The following NCAPG variants were observed in gnomAD, a reference collection of about 807,000 sequenced individuals.
The protein encoded by NCAPG is non-SMC condensin I complex subunit G.
A neutral mutation model predicts 113.1 loss-of-function variants in NCAPG; 69 were observed. That is an observed-to-expected ratio of 0.61 (90% CI 0.50 to 0.75). The LOEUF is 0.75. NCAPG is among the 30% of genes least tolerant of loss of function. The pLI is 0.00. For synonymous variants in NCAPG, 370 were observed against 415.8 expected (o/e 0.89, Z 1.34); for missense variants, 1,058 against 1,177.0 (o/e 0.90, Z 1.48).
At position 17,843,366 on chromosome 4, in the gene NCAPG, G is replaced by T. The variant is rs778475199; in HGVS notation, c.2989G>T (p.Ala997Ser). The change falls in exon 21 of 21, where the codon GCA becomes TCA. Residue 997 changes from alanine (A) to serine (S), a missense_variant. Ala to Ser is a moderately conservative substitution (Grantham distance 99). Transcript: ENST00000251496. ...GAGACTACCAAGACGAGCCAAAACC[G>T]CAGCACTAGAAAAAAGTAAACTTAA... ...KMRLPRRAKT[A>S]ALEKSKLNLA... 1.9e-6 allele frequency: 3 copies of T among 1,611,824 alleles called. No individual in the cohort carries two copies. The African/African-American group carries it at 4.0e-5, about 22-fold the overall frequency.
At chr4:17,839,881 T>C (rs763455238) in intron 17 of NCAPG, 44 bp downstream of exon 17, 3 of 1,535,436 alleles carry the variant, frequency 2.0e-6, no homozygotes, top group Non-Finnish European at 2.6e-6. Context: ...GTGTTTATAT[T>C]TATACATGTA....
intron 8 of NCAPG, 107 bp from the exon 9 acceptor site, chr4:17,823,540 A>G: frequency 1.0e-6 from 1 of 956,072 alleles, no homozygotes; most frequent in Non-Finnish European, 1.6e-6. Context: ...GATAAACCTA[A>G]GTGAAAGAAC....
In NCAPG at chr4:17,843,641, T is replaced by C. The variant is rs996156780; in HGVS notation, c.*216T>C. ...TGCATCAGTCAGTCACACAGATTTA[T>C]CACAATCTGAGGTGGGCCTAGGAAT... On this transcript the variant is annotated 3_prime_UTR_variant, in exon 21 of 21. Transcript: ENST00000251496. 13 of 386,440 alleles carry C rather than the reference T, an allele frequency of 3.4e-5. 1 individual carries two copies. Among genetic ancestry groups the C allele is most frequent in the South Asian group, 1.4e-4 (3 of 21,630 alleles). The allele number at this position is 386,440 out of a possible 1,614,324, so 23.9% of individuals were successfully genotyped here. A position where few individuals can be genotyped will look rare whatever the true frequency, so the allele number is the denominator to read the frequency against.
chr4:17,812,457 T>G, intron 2 of NCAPG, 33 bp downstream of exon 2: 1 of 1,570,974 alleles, frequency 6.4e-7, no homozygotes, highest in Non-Finnish European at 8.7e-7. Flanking sequence ...GGGGAGGGAT[T>G]TTAGAAAATT....
At chr4:17,818,740 G>A (rs539275316) in intron 7 of NCAPG, among the ~76,000 whole-genome samples, 1 of 152,212 alleles carries the variant, frequency 6.6e-6, no homozygotes, top group African/African-American at 2.4e-5. Context: ...CTAGCTTCAT[G>A]TTTTAAAGTT....
At chr4:17,819,252 A>G (rs1302577113) in intron 7 of NCAPG, among the ~76,000 whole-genome samples, 1 of 152,166 alleles carries the variant, frequency 6.6e-6, no homozygotes, top group Non-Finnish European at 1.5e-5. Context: ...TTTCACTGAT[A>G]AAAGCAAAAG....
chr4:17,813,309 A>G lies in NCAPG; in HGVS notation c.544+164A>G, dbSNP rs902425930. The G allele has an allele frequency of 1.9e-5, 10 of 516,888 alleles. No homozygotes were observed. In the African/African-American group the frequency reaches 2.0e-4, roughly 10 times the overall value. The allele number at this position is 516,888 out of a possible 1,614,324, so 32.0% of individuals were successfully genotyped here. A position where few individuals can be genotyped will look rare whatever the true frequency, so the allele number is the denominator to read the frequency against. The stretch of plus-strand genomic sequence containing the variant: ...AAGTAGCAACCACCCAGCTTAAAAA[A>G]AAAAGTCAGTACTTGCATCCTATCC... On this transcript the variant is annotated intron_variant, in intron 3 of 20. Coordinates refer to ENST00000251496, the MANE Select transcript of NCAPG (RefSeq NM_022346.5).
chr4:17,811,601 G>A lies in NCAPG; in HGVS notation c.111+413G>A, dbSNP rs1309457444. ...GTTGCCCCTGGGGTCATCGCTCCCC[G>A]CCGAACATCAAATGATTCTACCCTT... On this transcript the variant is annotated intron_variant, in intron 1 of 20. Transcript: ENST00000251496. This position sits in a 1 kb window ranked among gnomAD's most constrained non-coding sequence, Gnocchi z 5.3. Among the ~76,000 whole-genome samples, 1 of 152,120 alleles carries A rather than the reference G, an allele frequency of 6.6e-6. No homozygotes were observed. Among genetic ancestry groups the A allele is most frequent in the Non-Finnish European group, 1.5e-5 (1 of 68,022 alleles).
intron 19 of NCAPG, chr4:17,841,315 G>A (rs1312617854): frequency 6.6e-6 from 1 of 151,942 alleles, no homozygotes; most frequent in Non-Finnish European, 1.5e-5. Flanking sequence ...CCACCCATGA[G>A]CCAACCATGA....
At chr4:17,813,322 T>G in intron 3 of NCAPG, 177 bp downstream of exon 3, 1 of 466,634 alleles carries the variant, frequency 2.1e-6, no homozygotes, top group Non-Finnish European at 3.7e-6. Context: ...AAGTCAGTAC[T>G]TGCATCCTAT....
intron 19 of NCAPG, chr4:17,841,571 T>TCA: frequency 6.6e-6 from 1 of 152,074 alleles, no homozygotes; most frequent in South Asian, 2.1e-4. Context: ...TTTCAGACTG[T>TCA]CACATTGAAC....
Position 17,843,540 on chromosome 4 carries a change from G to A in NCAPG, c.*115G>A. 2 of 1,197,252 alleles carry A rather than the reference G, an allele frequency of 1.7e-6. No homozygotes were observed. The highest frequency in any genetic ancestry group is 2.9e-5 in the South Asian group (2 of 68,528). The allele number at this position is 1,197,252 out of a possible 1,614,324, so 74.2% of individuals were successfully genotyped here. On this transcript the variant is annotated 3_prime_UTR_variant, in exon 21 of 21. Transcript: ENST00000251496. Reference sequence around the variant, plus strand: ...CCTGATGTCTTTCTGAAGATTTTCTGCTGTGCGCTTCCACGTTACTTTGGC... The same window carrying A: ...CCTGATGTCTTTCTGAAGATTTTCTACTGTGCGCTTCCACGTTACTTTGGC...
chr4:17,835,179 T>C (rs948489538), intron 14 of NCAPG, among the ~76,000 whole-genome samples: 6 of 152,150 alleles, frequency 3.9e-5, no homozygotes, highest in African/African-American at 1.4e-4. Context: ...GATTGTAGTT[T>C]TTCATTGAGT....
At chr4:17,830,971 T>C in intron 12 of NCAPG, 26 bp from the exon 13 acceptor site, 2 of 1,599,900 alleles carry the variant, frequency 1.3e-6, no homozygotes, top group Non-Finnish European at 1.7e-6. Flanking sequence ...TATGAAATCA[T>C]ATGGAAAATT....
At chr4:17,815,561 A>G (rs566219796) in intron 5 of NCAPG, among the ~76,000 whole-genome samples, 34 of 152,248 alleles carry the variant, frequency 2.2e-4, no homozygotes, top group African/African-American at 4.1e-4. Flanking sequence ...GTCTCACTCT[A>G]TCACCCAGAC....
rs766791217 is a variant in NCAPG at position 17,825,505 on chromosome 4, ATAAACCTT to A, written c.1599_1606del (p.Asn534GlufsTer7). 6.2e-7 allele frequency: 1 copy of A among 1,607,374 alleles called. No individual in the cohort carries two copies. The highest frequency in any genetic ancestry group is 1.1e-5 in the South Asian group (1 of 89,986). On this transcript the variant is annotated frameshift_variant, in exon 11 of 21. Coordinates refer to ENST00000251496, the MANE Select transcript of NCAPG (RefSeq NM_022346.5). LOFTEE classifies it high-confidence loss of function. ...AATAAAAGCATTAGAAGATGCCAGA[ATAAACCTT>A]TTGAAAGAGACAGAGCAACTTGAAA...
intron 3 of NCAPG, among the ~76,000 whole-genome samples, chr4:17,813,736 A>G (rs1011573736): frequency 9.9e-5 from 15 of 152,112 alleles, no homozygotes; most frequent in African/African-American, 3.4e-4. Context: ...TCAAAAATAT[A>G]AATCTCTGCC....
rs200103686 is a variant in NCAPG at position 17,817,396 on chromosome 4, T to G, written c.911T>G (p.Leu304Trp). 1 of 1,614,152 alleles carries G rather than the reference T, an allele frequency of 6.2e-7. No homozygotes were observed. The highest frequency in any genetic ancestry group is 8.5e-7 in the Non-Finnish European group (1 of 1,180,002). Residue 304 changes from leucine (L) to tryptophan (W), a missense_variant, in exon 6 of 21, where the codon TTG (leucine) becomes TGG (tryptophan). Physicochemically the swap from Leu to Trp is moderately conservative, Grantham distance 61. Transcript: ENST00000251496. ...GTGGCAGTCTCTGTTCTCAATGCCTTGTTTTCAATAACTCCTCTCAGTGAA... is the reference window on the plus strand; with the variant it reads ...GTGGCAGTCTCTGTTCTCAATGCCTGGTTTTCAATAACTCCTCTCAGTGAA... Reference protein sequence around the residue: ...SEVAVSVLNALFSITPLSELV... With the variant: ...SEVAVSVLNAWFSITPLSELV...
intron 20 of NCAPG, 54 bp from the exon 21 acceptor site, chr4:17,843,248 T>A: frequency 6.4e-7 from 1 of 1,558,988 alleles, no homozygotes; most frequent in Non-Finnish European, 8.7e-7. Context: ...TATTTATAAA[T>A]AAACTGGTTT....
Sources: gnomAD v4.1 joint callset for allele counts (sites outside exome capture counted in the v4.1 genomes callset) on GRCh38, gnomAD v4.1.1 for gene constraint, Gnocchi (gnomAD v3.1) non-coding constraint, MANE v1.5 for transcripts, NCBI Gene and HGNC (gene_info 2026-07-23, HGNC 2026-07-21) for gene names.